The following STEAP1B variants were observed in gnomAD, a reference collection of about 807,000 sequenced individuals.
STEAP1B encodes the protein STEAP family member 1B, also known as STEAP family protein MGC87042.
In STEAP1B, 13 loss-of-function variants were observed where a neutral mutation model predicts 27.9. The observed-to-expected ratio is 0.47, with a 90% CI of 0.30 to 0.74. The LOEUF is 0.74. Among genes scored for constraint, STEAP1B ranks in the 30% least tolerant of loss-of-function variants. The pLI is 0.06. For synonymous variants in STEAP1B, 86 were observed against 107.1 expected, an observed-to-expected ratio of 0.80 and a Z score of 1.22; for missense variants, 250 against 298.7, an observed-to-expected ratio of 0.84 and a Z score of 1.20.
intron 4 of STEAP1B, among the ~76,000 whole-genome samples, chr7:22,468,991 GT>G (rs912403888): frequency 6.6e-6 from 1 of 152,002 alleles, no homozygotes; most frequent in South Asian, 2.1e-4. Context: ...TTATTTTACA[GT>G]TTTTTTTAAA....
At chr7:22,487,804 CAAA>C (rs200447382) in intron 4 of STEAP1B, among the ~76,000 whole-genome samples, 1 of 81,348 alleles carries the variant, frequency 1.2e-5, no homozygotes. Context: ...AAACTCCACC[CAAA>C]AAAAAAAAAA....
chr7:22,468,947 A>G (rs979095267), intron 4 of STEAP1B, among the ~76,000 whole-genome samples: 2 of 152,186 alleles, frequency 1.3e-5, no homozygotes, highest in Non-Finnish European at 2.9e-5. Flanking sequence ...GCTAATAACC[A>G]TGTTACTTAT....
intron 4 of STEAP1B, among the ~76,000 whole-genome samples, chr7:22,471,021 C>T (rs981472331): frequency 6.6e-6 from 1 of 152,084 alleles, no homozygotes; most frequent in African/African-American, 2.4e-5. Flanking sequence ...TTTCCCTGGC[C>T]TGCTTTCATC....
At chr7:22,466,960 T>G (rs1785795674) in intron 4 of STEAP1B, among the ~76,000 whole-genome samples, 1 of 152,246 alleles carries the variant, frequency 6.6e-6, no homozygotes, top group Non-Finnish European at 1.5e-5. Context: ...CTCCCAGGGC[T>G]GCTGTAAGTA....
chr7:22,490,680 T>C (rs997175037), intron 4 of STEAP1B, among the ~76,000 whole-genome samples: 2 of 152,222 alleles, frequency 1.3e-5, no homozygotes, highest in African/African-American at 2.4e-5. Context: ...GTTGTAATGA[T>C]GGGTGGGCTC....
At chr7:22,455,541 C>T (rs893642720) in intron 4 of STEAP1B, among the ~76,000 whole-genome samples, 4 of 152,282 alleles carry the variant, frequency 2.6e-5, no homozygotes, top group Admixed American at 6.5e-5. Flanking sequence ...TTAGCAAACT[C>T]GTTAAAGTCC....
At chr7:22,426,617 TAA>T (rs1785111034) in intron 4 of STEAP1B, among the ~76,000 whole-genome samples, 1 of 152,160 alleles carries the variant, frequency 6.6e-6, no homozygotes, top group Non-Finnish European at 1.5e-5. Flanking sequence ...TGGCTTTGGG[TAA>T]AAGGGGAAGT....
At chr7:22,463,158 A>G (rs1785710002) in intron 4 of STEAP1B, among the ~76,000 whole-genome samples, 1 of 152,046 alleles carries the variant, frequency 6.6e-6, no homozygotes, top group Non-Finnish European at 1.5e-5. Flanking sequence ...TTATACACCA[A>G]CAACAGACAA....
chr7:22,489,162 C>A (rs1322109101), intron 4 of STEAP1B, among the ~76,000 whole-genome samples: 2 of 152,172 alleles, frequency 1.3e-5, no homozygotes, highest in Non-Finnish European at 2.9e-5. Context: ...AACATAAGAC[C>A]TAGGGTCTGT....
At chr7:22,492,784 T>A in intron 3 of STEAP1B, 55 bp from the exon 4 acceptor site, 2 of 1,549,154 alleles carry the variant, frequency 1.3e-6, no homozygotes, top group Non-Finnish European at 1.7e-6. Context: ...ATTTCCTGAA[T>A]GTGAATCTCC....
intron 4 of STEAP1B, among the ~76,000 whole-genome samples, chr7:22,480,682 C>T (rs1263671777): frequency 6.6e-6 from 1 of 152,242 alleles, no homozygotes; most frequent in Non-Finnish European, 1.5e-5. Flanking sequence ...TGGTGTTTCC[C>T]TCCGTTTTCC....
At position 22,456,720 on chromosome 7, in the gene STEAP1B, C is replaced by T. The variant is rs148562020; in HGVS notation, c.762+35845G>A. 2.2e-3 allele frequency among the ~76,000 whole-genome samples: 332 copies of T among 151,676 alleles called. 3 individuals are homozygous for T. Among genetic ancestry groups the T allele is most frequent in the African/African-American group, 7.6e-3 (313 of 41,310 alleles). On this transcript the variant is annotated intron_variant, in intron 4 of 4. Coordinates refer to ENST00000678116, the MANE Select transcript of STEAP1B (RefSeq NM_001382447.1). ...AATTAGAACCCCCAGCCAATCCTTT[C>T]GAGATGAAAACTGATAGAGAGGAAG...
At chr7:22,482,494 A>G (rs936656229) in intron 4 of STEAP1B, among the ~76,000 whole-genome samples, 4 of 152,166 alleles carry the variant, frequency 2.6e-5, no homozygotes, top group Non-Finnish European at 5.9e-5. Context: ...GGCAGAGAGG[A>G]GAGCTAAGGA....
chr7:22,479,573 C>G (rs1223116332), intron 4 of STEAP1B, among the ~76,000 whole-genome samples: 1 of 151,992 alleles, frequency 6.6e-6, no homozygotes, highest in East Asian at 1.9e-4. Flanking sequence ...TTCAGACTCC[C>G]CTAGTTGCCC....
intron 4 of STEAP1B, among the ~76,000 whole-genome samples, chr7:22,456,972 A>ATATATTTTTTTTTTTTTTTTTTT: frequency 7.9e-4 from 45 of 57,046 alleles, no homozygotes; most frequent in East Asian, 5.1e-3. Context: ...ATATATATAT[A>ATATATTTTTTTTTTTTTTTTTTT]TTTTTTTTTT....
At chr7:22,471,155 A>AGT (rs981214438) in intron 4 of STEAP1B, among the ~76,000 whole-genome samples, 2 of 152,160 alleles carry the variant, frequency 1.3e-5, no homozygotes, top group African/African-American at 4.8e-5. Flanking sequence ...CTCAGGGCCC[A>AGT]GTGGGTGGGC....
intron 4 of STEAP1B, among the ~76,000 whole-genome samples, chr7:22,452,909 C>CT (rs2128405082): frequency 6.6e-6 from 1 of 152,234 alleles, no homozygotes; most frequent in South Asian, 2.1e-4. Flanking sequence ...CTGGAGATTG[C>CT]TTTTTTGCTG....
intron 4 of STEAP1B, among the ~76,000 whole-genome samples, chr7:22,483,335 G>A (rs184647582): frequency 6.6e-6 from 1 of 152,124 alleles, no homozygotes; most frequent in Admixed American, 6.5e-5. Flanking sequence ...TGGATGAGGG[G>A]TACAGGCATA....
Position 22,493,325 on chromosome 7 carries a change from T to C in STEAP1B, c.596A>G (p.Gln199Arg), listed in dbSNP as rs1230097016. The C allele has an allele frequency of 6.2e-7, 1 of 1,610,026 alleles. No homozygotes were observed. Among genetic ancestry groups the C allele is most frequent in the Admixed American group, 1.7e-5 (1 of 59,878 alleles). The change falls in exon 3 of 5, where the codon CAG becomes CGG. Residue 199 changes from glutamine (Q) to arginine (R), a missense_variant and splice_region_variant. Coordinates refer to ENST00000678116, the MANE Select transcript of STEAP1B (RefSeq NM_001382447.1). ...RYKLLNWAYQQVQQNKEDAWI... is the reference protein window; with the variant it reads ...RYKLLNWAYQRVQQNKEDAWI... ...ACAGTGACATCATTGTCATCTCACC[T>C]GTTGATATGCCCAGTTTAGCAACTT...
Sources: allele counts gnomAD v4.1 joint callset (sites outside exome capture counted in the v4.1 genomes callset), GRCh38; gene constraint gnomAD v4.1.1; transcripts MANE v1.5; gene names NCBI Gene and HGNC (gene_info 2026-07-23, HGNC 2026-07-21).